Variants in UHRF2 observed in about 807,000 individuals in gnomAD.
UHRF2 encodes E3 ubiquitin-protein ligase UHRF2.
Under a neutral mutation model 96.8 loss-of-function variants are expected in UHRF2, and 23 were observed. That is an observed-to-expected ratio of 0.24 (90% confidence interval 0.17 to 0.34). The LOEUF (loss-of-function observed/expected upper bound fraction) is 0.34, where lower values mean the gene tolerates loss of function less well. UHRF2 is among the 10% of genes least tolerant of loss of function. The probability of loss-of-function intolerance (pLI) is 1.00; values close to 1 mark genes in which losing one functional copy is unlikely to be tolerated. For synonymous variants in UHRF2, 385 were observed against 332.6 expected, an observed-to-expected ratio of 1.16 and a Z score of -1.72; for missense variants, 685 against 981.5, an observed-to-expected ratio of 0.70 and a Z score of 4.04.
At chr9:6,450,882 T>G (rs761967646) in intron 3 of UHRF2, among the ~76,000 whole-genome samples, 1 of 152,186 alleles carries the variant, frequency 6.6e-6, no homozygotes, top group East Asian at 1.9e-4. Context: ...GAAATGGTAT[T>G]TAGAGCACAT....
chr9:6,441,776 T>C lies in UHRF2; in HGVS notation c.644+7603T>C, dbSNP rs148099109. Reference sequence around the variant, plus strand: ...TTATTTCCTTATAGACATAAATTATTGGAACTAATTCTTTTCTAAAATTAT... The same window carrying C: ...TTATTTCCTTATAGACATAAATTATCGGAACTAATTCTTTTCTAAAATTAT... On this transcript the variant is annotated intron_variant, in intron 3 of 15. Coordinates refer to ENST00000276893, the MANE Select transcript of UHRF2 (RefSeq NM_152896.3). Among the ~76,000 whole-genome samples, 224 of 152,286 alleles carry C rather than the reference T, an allele frequency of 1.5e-3. 1 individual carries two copies. Among genetic ancestry groups the C allele is most frequent in the African/African-American group, 5.2e-3 (218 of 41,572 alleles).
At chr9:6,469,299 C>T (rs906905391) in intron 4 of UHRF2, among the ~76,000 whole-genome samples, 2 of 152,140 alleles carry the variant, frequency 1.3e-5, no homozygotes, top group Admixed American at 6.5e-5. Flanking sequence ...GCAGGTGGAT[C>T]ATGAGGTCAG....
chr9:6,456,003 A>T (rs1054985672), intron 3 of UHRF2, among the ~76,000 whole-genome samples: 1 of 152,208 alleles, frequency 6.6e-6, no homozygotes, highest in African/African-American at 2.4e-5. Flanking sequence ...AAATAAAAAT[A>T]TGTAAAATTG....
At chr9:6,435,878 G>A (rs1004562403) in intron 3 of UHRF2, among the ~76,000 whole-genome samples, 4 of 152,138 alleles carry the variant, frequency 2.6e-5, no homozygotes, top group Non-Finnish European at 5.9e-5. Flanking sequence ...CAAAATGCTG[G>A]GATTACAGGC....
chr9:6,477,834 G>A (rs1480954392), intron 6 of UHRF2, 26 bp downstream of exon 6: 2 of 1,548,568 alleles, frequency 1.3e-6, no homozygotes, highest in African/African-American at 1.4e-5. Context: ...TTTTGTTGTT[G>A]TTGTTCTTGC....
At chr9:6,474,075 A>C (rs1370285306) in intron 4 of UHRF2, among the ~76,000 whole-genome samples, 1 of 152,210 alleles carries the variant, frequency 6.6e-6, no homozygotes, top group African/African-American at 2.4e-5. Flanking sequence ...AAATTAAGGT[A>C]AATATAACTT....
At chr9:6,440,190 T>G (rs1821082504) in intron 3 of UHRF2, among the ~76,000 whole-genome samples, 1 of 152,126 alleles carries the variant, frequency 6.6e-6, no homozygotes, top group Non-Finnish European at 1.5e-5. Context: ...CTGAGGGAAG[T>G]AGTGGTCTTG....
chr9:6,457,706 T>G (rs574278929), intron 3 of UHRF2, among the ~76,000 whole-genome samples: 1 of 152,342 alleles, frequency 6.6e-6, no homozygotes, highest in South Asian at 2.1e-4. Flanking sequence ...ATTGAGAGTT[T>G]TTAGCATGAA....
chr9:6,504,555 G>T, intron 14 of UHRF2, 38 bp from the exon 15 acceptor site: 1 of 1,470,336 alleles, frequency 6.8e-7, no homozygotes, highest in Non-Finnish European at 9.4e-7. Flanking sequence ...ATTATGAACT[G>T]CTAACTTTTC....
Position 6,413,399 on chromosome 9 carries a change from G to C in UHRF2, c.-92G>C. 2 of 1,241,940 alleles carry C rather than the reference G, an allele frequency of 1.6e-6. No homozygotes were observed. The highest frequency in any genetic ancestry group is 2.0e-6 in the Non-Finnish European group (2 of 976,908). The allele number at this position is 1,241,940 out of a possible 1,614,324, so 76.9% of individuals were successfully genotyped here. On this transcript the variant is annotated 5_prime_UTR_variant, in exon 1 of 16. Coordinates refer to ENST00000276893, the MANE Select transcript of UHRF2 (RefSeq NM_152896.3). ...CTCGCCCGCCTGCCGCTGAGGGCCCGAGCCGCAGGGAAAGCGGCGCGGGCC... is the reference window on the plus strand; with the variant it reads ...CTCGCCCGCCTGCCGCTGAGGGCCCCAGCCGCAGGGAAAGCGGCGCGGGCC...
At chr9:6,448,058 C>A (rs1053553138) in intron 3 of UHRF2, among the ~76,000 whole-genome samples, 11 of 152,176 alleles carry the variant, frequency 7.2e-5, no homozygotes, top group African/African-American at 2.7e-4. Context: ...GAAGGAGATG[C>A]TAGCATGAAA....
intron 8 of UHRF2, among the ~76,000 whole-genome samples, chr9:6,483,656 T>C (rs1824066963): frequency 6.6e-6 from 1 of 152,172 alleles, no homozygotes; most frequent in Non-Finnish European, 1.5e-5. Flanking sequence ...TAGTAAATAA[T>C]TTATATTTTA....
At chr9:6,496,192 C>G (rs1824955214) in intron 10 of UHRF2, 1 of 151,538 alleles carries the variant, frequency 6.6e-6, no homozygotes, top group South Asian at 2.1e-4. Context: ...AGAATTAAAC[C>G]CTGAAGAAGT....
intron 3 of UHRF2, among the ~76,000 whole-genome samples, chr9:6,438,608 T>C (rs1820988251): frequency 6.6e-6 from 1 of 152,218 alleles, no homozygotes; most frequent in Admixed American, 6.5e-5. Context: ...GAACAAGCTG[T>C]CATTTAGCAA....
At chr9:6,444,586 G>C (rs1821376070) in intron 3 of UHRF2, among the ~76,000 whole-genome samples, 1 of 152,076 alleles carries the variant, frequency 6.6e-6, no homozygotes, top group South Asian at 2.1e-4. Flanking sequence ...GTGGGCCTTG[G>C]GTAGGGCCTA....
intron 2 of UHRF2, among the ~76,000 whole-genome samples, chr9:6,421,799 T>A (rs1179552726): frequency 6.6e-6 from 1 of 152,224 alleles, no homozygotes; most frequent in Non-Finnish European, 1.5e-5. Context: ...CTGCTTATTC[T>A]TTTATACTCT....
chr9:6,504,522 CAGT>C, intron 14 of UHRF2, 68 bp from the exon 15 acceptor site: 2 of 966,502 alleles, frequency 2.1e-6, no homozygotes, highest in Non-Finnish European at 3.2e-6. Flanking sequence ...TTGAAATACA[CAGT>C]AGATGAATTT....
intron 2 of UHRF2, among the ~76,000 whole-genome samples, chr9:6,427,054 AGTTT>A (rs1444954197): frequency 2.6e-5 from 4 of 152,048 alleles, no homozygotes; most frequent in African/African-American, 9.7e-5. Context: ...GGCTTGAATT[AGTTT>A]GTTTTATATT....
intron 12 of UHRF2, chr9:6,498,887 G>C (rs1825116332): frequency 6.6e-6 from 1 of 152,246 alleles, no homozygotes; most frequent in Non-Finnish European, 1.5e-5. Flanking sequence ...TGCATGTGTA[G>C]GGGCTGAACT....
Sources: gnomAD v4.1 joint callset for allele counts (sites outside exome capture counted in the v4.1 genomes callset) on GRCh38, gnomAD v4.1.1 for gene constraint, MANE v1.5 for transcripts, NCBI Gene and HGNC (gene_info 2026-07-23, HGNC 2026-07-21) for gene names.